The following KRCC1 variants were observed in gnomAD, a reference collection of about 807,000 sequenced individuals.
The protein encoded by KRCC1 is lysine-rich coiled-coil protein 1.
A neutral mutation model predicts 7.4 loss-of-function variants in KRCC1; 3 were observed. That is an observed-to-expected ratio of 0.40 (90% CI 0.18 to 1.04). The LOEUF (loss-of-function observed/expected upper bound fraction) is 1.04. Among genes scored for constraint, KRCC1 ranks in the 50% least tolerant of loss-of-function variants. The probability of loss-of-function intolerance (pLI) is 0.33; values close to 1 mark genes in which losing one functional copy is unlikely to be tolerated. For missense variants in KRCC1, 277 were observed against 300.9 expected, an observed-to-expected ratio of 0.92 and a Z score of 0.59; for synonymous variants, 102 against 101.6, an observed-to-expected ratio of 1.00 and a Z score of -0.02.
At chr2:88,032,096 C>T (rs980816067) in intron 3 of KRCC1, among the ~76,000 whole-genome samples, 2 of 151,950 alleles carry the variant, frequency 1.3e-5, no homozygotes, top group African/African-American at 2.4e-5. Flanking sequence ...AAGCCGAGAT[C>T]GCGCCACTGC....
intron 3 of KRCC1, among the ~76,000 whole-genome samples, chr2:88,031,627 A>C (rs1156423852): frequency 6.6e-6 from 1 of 151,826 alleles, no homozygotes; most frequent in Non-Finnish European, 1.5e-5. Flanking sequence ...ATCTCAAAAA[A>C]ATAAAAAAAT....
intron 2 of KRCC1, among the ~76,000 whole-genome samples, chr2:88,035,393 G>A (rs974778811): frequency 6.6e-6 from 1 of 152,146 alleles, no homozygotes; most frequent in Admixed American, 6.6e-5. Flanking sequence ...TAGGATTCTA[G>A]GAGGGATCCT....
intron 1 of KRCC1, among the ~76,000 whole-genome samples, chr2:88,042,481 T>C (rs1218961841): frequency 6.8e-6 from 1 of 146,942 alleles, no homozygotes; most frequent in Non-Finnish European, 1.5e-5. Context: ...TGCAGAGGCA[T>C]GATCATAGCT....
intron 1 of KRCC1, among the ~76,000 whole-genome samples, chr2:88,044,322 C>T (rs11127084): frequency 0.64 from 97,129 of 151,626 alleles, 32,002 homozygotes; most frequent in South Asian, 0.81. Context: ...AGGGGGACAA[C>T]GCAGCAGGGA....
At chr2:88,041,539 T>C (rs1265696945) in intron 1 of KRCC1, among the ~76,000 whole-genome samples, 1 of 152,254 alleles carries the variant, frequency 6.6e-6, no homozygotes, top group East Asian at 1.9e-4. Flanking sequence ...AGATGTTTTA[T>C]GTACCTTGAA....
rs962039008 is a variant in KRCC1 at position 88,028,324 on chromosome 2, T to A, written c.240A>T (p.Thr80=). Residue 80 remains threonine, a synonymous_variant, in exon 4 of 4, where the codon ACA becomes ACT. Transcript: ENST00000347055. Reference sequence around the variant, plus strand: ...ACCACTGAGGCAACCGATTTTCCACTGTTTGTGGAATATTGCATGATCTTG... The same window carrying A: ...ACCACTGAGGCAACCGATTTTCCACAGTTTGTGGAATATTGCATGATCTTG... ...TYPRSCNIPQ[T]VENRLPQWLP... 6.2e-7 allele frequency: 1 copy of A among 1,614,150 alleles called. No homozygotes were observed. The highest frequency in any genetic ancestry group is 8.5e-7 in the Non-Finnish European group (1 of 1,180,010).
At chr2:88,034,893 T>C (rs894809717) in intron 2 of KRCC1, among the ~76,000 whole-genome samples, 1 of 152,156 alleles carries the variant, frequency 6.6e-6, no homozygotes, top group Non-Finnish European at 1.5e-5. Flanking sequence ...ATAAGTGAGA[T>C]CATATGGTAT....
chr2:88,055,082 C>G (rs1230268315), intron 1 of KRCC1, among the ~76,000 whole-genome samples: 1 of 151,904 alleles, frequency 6.6e-6, no homozygotes, highest in African/African-American at 2.4e-5. Flanking sequence ...TAGGATAACT[C>G]CAAAGTGATC....
chr2:88,031,520 G>C (rs928943296), intron 3 of KRCC1, among the ~76,000 whole-genome samples: 1 of 152,094 alleles, frequency 6.6e-6, no homozygotes, highest in African/African-American at 2.4e-5. Context: ...TGCTTGGGAG[G>C]CTGAGGCTGG....
At chr2:88,034,570 A>T (rs1673055674) in intron 2 of KRCC1, among the ~76,000 whole-genome samples, 2 of 152,322 alleles carry the variant, frequency 1.3e-5, no homozygotes, top group South Asian at 4.1e-4. Flanking sequence ...ATAGTGTGGA[A>T]TAATCAAATT....
chr2:88,032,341 T>C (rs562682810), intron 3 of KRCC1, among the ~76,000 whole-genome samples: 1 of 152,116 alleles, frequency 6.6e-6, no homozygotes, highest in East Asian at 1.9e-4. Context: ...TCATACCACA[T>C]TTTTACTGTG....
chr2:88,050,495 T>C (rs561331815), intron 1 of KRCC1, among the ~76,000 whole-genome samples: 1 of 152,272 alleles, frequency 6.6e-6, no homozygotes, highest in East Asian at 1.9e-4. Context: ...TGGTGGTGCA[T>C]GCCTGTAATC....
chr2:88,046,204 C>T (rs1346524382), intron 1 of KRCC1, among the ~76,000 whole-genome samples: 1 of 152,200 alleles, frequency 6.6e-6, no homozygotes, highest in Non-Finnish European at 1.5e-5. Context: ...AGCTCCATTG[C>T]TCCTTTGAGT....
intron 2 of KRCC1, among the ~76,000 whole-genome samples, chr2:88,034,732 A>C (rs1274000296): frequency 2.0e-5 from 3 of 152,182 alleles, no homozygotes; most frequent in Non-Finnish European, 4.4e-5. Context: ...TGTGCAATAG[A>C]ACACCAGAAC....
At chr2:88,034,501 C>G (rs1673054024) in intron 2 of KRCC1, among the ~76,000 whole-genome samples, 1 of 151,842 alleles carries the variant, frequency 6.6e-6, no homozygotes, top group South Asian at 2.1e-4. Context: ...TTATTTTTAA[C>G]TGACAAGTAA....
At chr2:88,044,401 C>CAAAAAAA (rs10527729) in intron 1 of KRCC1, among the ~76,000 whole-genome samples, 3 of 146,648 alleles carry the variant, frequency 2.0e-5, no homozygotes, top group African/African-American at 5.2e-5. Context: ...CAAAAGAAAA[C>CAAAAAAA]AAAAAAAAAA....
intron 1 of KRCC1, among the ~76,000 whole-genome samples, chr2:88,041,421 C>T (rs368236713): frequency 6.6e-6 from 1 of 152,180 alleles, no homozygotes; most frequent in African/African-American, 2.4e-5. Context: ...GATTTTGGAA[C>T]AAATCCAGAT....
At chr2:88,041,873 G>T (rs976050723) in intron 1 of KRCC1, among the ~76,000 whole-genome samples, 2 of 151,956 alleles carry the variant, frequency 1.3e-5, no homozygotes, top group Non-Finnish European at 2.9e-5. Context: ...TTTAGCATTA[G>T]TTATTTTTTA....
At chr2:88,032,482 G>C (rs1424611101) in intron 3 of KRCC1, among the ~76,000 whole-genome samples, 6 of 152,162 alleles carry the variant, frequency 3.9e-5, no homozygotes, top group African/African-American at 1.4e-4. Flanking sequence ...TATAGCCTGG[G>C]TGTGTAGTAA....
Sources: allele counts gnomAD v4.1 joint callset (sites outside exome capture counted in the v4.1 genomes callset), GRCh38; gene constraint gnomAD v4.1.1; transcripts MANE v1.5; gene names NCBI Gene and HGNC (gene_info 2026-07-23, HGNC 2026-07-21).